Variants in LZTR1 observed in about 807,000 individuals in gnomAD.
The protein encoded by LZTR1 is leucine zipper like post translational regulator 1, also known as leucine-zipper-like transcriptional regulator 1.
In LZTR1, 260 loss-of-function variants were observed where a neutral mutation model predicts 105.7. The ratio of observed to expected loss-of-function variants is 2.46; its 90% CI spans 2.22 to 2.72. LZTR1 has a LOEUF of 2.72. Ranked by LOEUF, LZTR1 falls within the 30% of genes most tolerant of loss-of-function variation. LZTR1 has a pLI of 0.00. For synonymous variants in LZTR1, 490 were observed against 476.4 expected (o/e 1.03, Z -0.37); for missense variants, 1,214 against 1,166.9 (o/e 1.04, Z -0.59).
intron 18 of LZTR1, 50 bp from the exon 19 acceptor site, chr22:20,996,646 G>C: frequency 6.6e-7 from 1 of 1,505,774 alleles, no homozygotes. Context: ...TTCCCTGGGA[G>C]GGTGCGGGCG....
chr22:20,985,137 T>C (rs1400119416), intron 2 of LZTR1, among the ~76,000 whole-genome samples: 1 of 147,222 alleles, frequency 6.8e-6, no homozygotes, highest in Non-Finnish European at 1.5e-5. Context: ...CTTGGCTCAC[T>C]GCAACCTCTG....
At chr22:20,990,355 G>A (rs760487641) in intron 7 of LZTR1, 31 bp from the exon 8 acceptor site, 1 of 1,613,672 alleles carries the variant, frequency 6.2e-7, no homozygotes, top group Middle Eastern at 1.7e-4. Flanking sequence ...GCCCTGTGAG[G>A]CCGGGGCTGA....
intron 11 of LZTR1, 71 bp from the exon 12 acceptor site, chr22:20,993,591 T>A (rs1924680728): frequency 9.7e-6 from 13 of 1,341,538 alleles, no homozygotes; most frequent in Non-Finnish European, 1.4e-5. Flanking sequence ...GACCTCAGGG[T>A]CGGCCTGCAC....
intron 8 of LZTR1, chr22:20,991,341 C>T (rs1034371734): frequency 4.8e-5 from 23 of 480,168 alleles, no homozygotes; most frequent in East Asian, 3.8e-4. Flanking sequence ...ACTGCCTGGG[C>T]GGGTCAGATG....
Position 20,982,393 on chromosome 22 carries a change from G to A in LZTR1, c.22G>A (p.Gly8Arg), listed in dbSNP as rs575193991. ...CGGGATGGCTGGACCGGGCAGCACG[G>A]GGGGGCAGATCGGGGCTGCGGCCCT... MAGPGST[G>R]GQIGAAALAG... The change falls in exon 1 of 21, where the codon GGG (glycine) becomes AGG (arginine). Residue 8 changes from glycine (G) to arginine (R), a missense_variant. By Grantham distance (125) the Gly-to-Arg change is moderately radical (BLOSUM62 -2). Transcript: ENST00000646124. The A allele has an allele frequency of 2.6e-6, 4 of 1,559,770 alleles. No individual in the cohort carries two copies. Among genetic ancestry groups the A allele is most frequent in the Non-Finnish European group, 3.5e-6 (4 of 1,151,540 alleles).
rs377075596 is a variant in LZTR1 at position 20,994,152 on chromosome 22, G to C, written c.1498G>C (p.Ala500Pro). 8.8e-6 allele frequency: 14 copies of C among 1,595,730 alleles called. No homozygotes were observed. In the African/African-American group the frequency reaches 1.9e-4, roughly 21 times the overall value. Reference protein sequence around the residue: ...APVPREAPGVAAGGARPPLLH... With the variant: ...APVPREAPGVPAGGARPPLLH... ...AGTTCCCAGGGAGGCCCCCGGCGTG[G>C]CTGCTGGTGGGGCCCGGCCGCCCCT... is the stretch of plus-strand genomic sequence containing the variant. Residue 500 changes from alanine to proline, a missense_variant, in exon 14 of 21, where the codon GCT becomes CCT. Coordinates refer to ENST00000646124, the MANE Select transcript of LZTR1 (RefSeq NM_006767.4).
In LZTR1 at chr22:20,982,537, C is replaced by A; in HGVS notation, c.166C>A (p.Arg56Ser). Residue 56 changes from arginine (R) to serine (S), a missense_variant, in exon 1 of 21, where the codon CGC becomes AGC. Physicochemically the swap from Arg to Ser is moderately radical, Grantham distance 110 (BLOSUM62 -1). Coordinates refer to ENST00000646124, the MANE Select transcript of LZTR1 (RefSeq NM_006767.4). The stretch of plus-strand genomic sequence containing the variant: ...CTTCGAAACAGTGCATCGCTGGCGG[C>A]GCCTCCCGCCCTGCGACGAGTTCGT... ...GPFETVHRWR[R>S]LPPCDEFVGA... 1 of 1,612,852 alleles carries A rather than the reference C, an allele frequency of 6.2e-7. No homozygotes were observed. Among genetic ancestry groups the A allele is most frequent in the Non-Finnish European group, 8.5e-7 (1 of 1,179,668 alleles).
chr22:20,996,637 TC>T, intron 18 of LZTR1, 58 bp from the exon 19 acceptor site: 1 of 1,461,672 alleles, frequency 6.8e-7, no homozygotes, highest in Non-Finnish European at 9.6e-7. Flanking sequence ...TCCCTGTCCT[TC>T]CCTGGGAGGG....
intron 8 of LZTR1, 194 bp downstream of exon 8, chr22:20,990,719 C>T (rs1048004002): frequency 8.4e-6 from 5 of 594,388 alleles, no homozygotes; most frequent in Non-Finnish European, 2.9e-6. Context: ...TACAGCTTAG[C>T]AAGATAAGGC....
At chr22:20,996,606 T>C (rs1924856972) in intron 18 of LZTR1, 90 bp from the exon 19 acceptor site, 1 of 1,033,268 alleles carries the variant, frequency 9.7e-7, no homozygotes, top group Non-Finnish European at 1.5e-6. Flanking sequence ...GCGTGGGGGC[T>C]TGGGGCTCCA....
chr22:20,992,429 CA>C, intron 10 of LZTR1, 60 bp downstream of exon 10: 1 of 1,524,154 alleles, frequency 6.6e-7, no homozygotes, highest in Non-Finnish European at 8.9e-7. Flanking sequence ...CTGTGATCAA[CA>C]CCTCTCACAC....
rs1924938308 is a variant in LZTR1 at position 20,997,983 on chromosome 22, A to AG, written c.*639dup. On this transcript the variant is annotated 3_prime_UTR_variant, in exon 21 of 21. Transcript: ENST00000646124. ...GTGCTGGGCCAGGCCTGGTTTTCAC[A>AG]GGGGCTGAAGGATCCCAGTCCACCT... is the stretch of plus-strand genomic sequence containing the variant. 6.6e-6 allele frequency: 1 copy of AG among 152,302 alleles called. No individual in the cohort carries two copies. Among genetic ancestry groups the AG allele is most frequent in the African/African-American group, 2.4e-5 (1 of 41,410 alleles). 9.4% of individuals were successfully genotyped at this position (152,302 alleles called of 1,614,324 possible).
intron 12 of LZTR1, 84 bp downstream of exon 12, chr22:20,993,838 T>G: frequency 6.4e-7 from 1 of 1,565,030 alleles, no homozygotes; most frequent in South Asian, 1.1e-5. Context: ...GCTGCTGGCC[T>G]GGTGGTGCTG....
chr22:20,988,094 G>C lies in LZTR1; in HGVS notation c.485G>C (p.Trp162Ser). 6.2e-7 allele frequency: 1 copy of C among 1,611,580 alleles called. No individual in the cohort carries two copies. The change falls in exon 5 of 21, where the codon TGG becomes TCG. Residue 162 changes from tryptophan (W) to serine (S), a missense_variant. By Grantham distance (177) the Trp-to-Ser change is radical. Coordinates refer to ENST00000646124, the MANE Select transcript of LZTR1 (RefSeq NM_006767.4). The part of the protein sequence containing the change: ...LFEYKFATGQ[W>S]TEWKIEGRLP... ...GAATACAAGTTTGCAACTGGCCAGT[G>C]GACGGAGTGGAAAATTGAAGGACGG...
intron 10 of LZTR1, 199 bp from the exon 11 acceptor site, chr22:20,992,595 T>C: frequency 1.6e-6 from 1 of 633,160 alleles, no homozygotes; most frequent in Non-Finnish European, 2.7e-6. Context: ...AGGGTCTCCA[T>C]GGCCCGTCAT....
intron 11 of LZTR1, chr22:20,993,258 A>G (rs1372258933): frequency 2.4e-6 from 1 of 411,584 alleles, no homozygotes; most frequent in African/African-American, 2.0e-5. Context: ...GGCCTGGAGG[A>G]GCAGGTGGTC....
At chr22:20,997,067 G>C (rs1924884825) in intron 20 of LZTR1, 101 bp downstream of exon 20, 15 of 1,303,346 alleles carry the variant, frequency 1.2e-5, no homozygotes, top group Non-Finnish European at 1.7e-5. Flanking sequence ...GCAGTGGTGG[G>C]CCCTGGGGGT....
intron 18 of LZTR1, chr22:20,996,437 T>C (rs937519535): frequency 3.4e-6 from 2 of 591,154 alleles, no homozygotes; most frequent in Non-Finnish European, 6.0e-6. Context: ...GGTCTGAACA[T>C]GGAGGGTCAG....
rs1439407841 is a variant in LZTR1, at chr22:20,984,249, G to A, written c.263+1160G>A. ...TCTCTTCAGTCAAGGCAGGGCCTGTGCTCCTTTTACCATTGTATCCTGGCA... is the reference window on the plus strand; with the variant it reads ...TCTCTTCAGTCAAGGCAGGGCCTGTACTCCTTTTACCATTGTATCCTGGCA... On this transcript the variant is annotated intron_variant, in intron 2 of 20. Transcript: ENST00000646124. 2.6e-5 allele frequency among the ~76,000 whole-genome samples: 4 copies of A among 152,196 alleles called. No individual in the cohort carries two copies. In the East Asian group the frequency reaches 5.8e-4, roughly 22 times the overall value.
Sources: allele counts gnomAD v4.1 joint callset (sites outside exome capture counted in the v4.1 genomes callset), GRCh38; gene constraint gnomAD v4.1.1; transcripts MANE v1.5; gene names NCBI Gene and HGNC (gene_info 2026-07-23, HGNC 2026-07-21).